COG5: variants seen among roughly 807,000 people sequenced by gnomAD.
COG5 encodes conserved oligomeric Golgi complex subunit 5.
Under a neutral mutation model 110.4 loss-of-function variants are expected in COG5, and 86 were observed. That is an observed-to-expected ratio of 0.78 (90% CI 0.65 to 0.93). COG5 has a LOEUF of 0.93. Ranked by LOEUF, COG5 falls within the 40% of genes least tolerant of loss-of-function variation. The pLI, the probability that COG5 is intolerant of heterozygous loss-of-function variation, is 0.00. For missense variants in COG5, 1,077 were observed against 987.0 expected (o/e 1.09, Z -1.22); for synonymous variants, 360 against 334.6 (o/e 1.08, Z -0.83).
intron 6 of COG5, among the ~76,000 whole-genome samples, chr7:107,431,670 C>T (rs1794035634): frequency 6.6e-6 from 1 of 152,078 alleles, no homozygotes. Context: ...GGGTCTCGTT[C>T]TGTCACCCAG....
At chr7:107,320,579 T>G (rs1021363233) in intron 11 of COG5, among the ~76,000 whole-genome samples, 13 of 152,200 alleles carry the variant, frequency 8.5e-5, no homozygotes, top group African/African-American at 3.1e-4. Context: ...TAAGTCATGA[T>G]GCATATCAAG....
intron 6 of COG5, among the ~76,000 whole-genome samples, chr7:107,525,621 C>G (rs955678643): frequency 6.6e-6 from 1 of 151,718 alleles, no homozygotes; most frequent in Admixed American, 6.6e-5. Flanking sequence ...GGTGCAATAA[C>G]AGCTCACTGC....
At chr7:107,549,458 C>A (rs1009179800) in intron 3 of COG5, among the ~76,000 whole-genome samples, 1 of 150,960 alleles carries the variant, frequency 6.6e-6, no homozygotes. Flanking sequence ...GTGGCTTGAT[C>A]CCCCCTCACT....
At chr7:107,543,275 G>A (rs1802178897) in intron 5 of COG5, among the ~76,000 whole-genome samples, 1 of 152,166 alleles carries the variant, frequency 6.6e-6, no homozygotes, top group Non-Finnish European at 1.5e-5. Flanking sequence ...AGGAAGGACA[G>A]TATTACATTA....
chr7:107,376,863 T>C (rs1322373712), intron 7 of COG5, among the ~76,000 whole-genome samples: 3 of 152,112 alleles, frequency 2.0e-5, no homozygotes, highest in African/African-American at 4.8e-5. Context: ...TAAGTATGTA[T>C]TGAGATAATA....
intron 7 of COG5, among the ~76,000 whole-genome samples, chr7:107,395,858 G>A (rs1293407242): frequency 6.6e-6 from 1 of 151,912 alleles, no homozygotes; most frequent in Non-Finnish European, 1.5e-5. Flanking sequence ...CCCAGACAAA[G>A]CAGATAATTC....
intron 6 of COG5, among the ~76,000 whole-genome samples, chr7:107,460,542 TA>T (rs960678527): frequency 1.7e-4 from 25 of 151,008 alleles, no homozygotes; most frequent in African/African-American, 6.1e-4. Context: ...GAACCACGTA[TA>T]AAAAAAAATT....
intron 6 of COG5, among the ~76,000 whole-genome samples, chr7:107,492,168 A>T (rs1410339385): frequency 5.6e-5 from 8 of 141,736 alleles, no homozygotes; most frequent in African/African-American, 1.6e-4. Flanking sequence ...AACAATGGGT[A>T]GTGTGTGTGT....
intron 5 of COG5, among the ~76,000 whole-genome samples, chr7:107,528,919 C>T (rs940168431): frequency 6.7e-6 from 1 of 149,350 alleles, no homozygotes; most frequent in Admixed American, 6.8e-5. Context: ...CATACTCAAA[C>T]ATAAAACAAA....
chr7:107,506,783 C>G (rs1472046709), intron 6 of COG5, among the ~76,000 whole-genome samples: 1 of 152,240 alleles, frequency 6.6e-6, no homozygotes. Context: ...CTGGGGCACC[C>G]AGCTCCCTAG....
chr7:107,402,831 T>C (rs949213168), intron 7 of COG5, among the ~76,000 whole-genome samples: 12 of 152,340 alleles, frequency 7.9e-5, no homozygotes, highest in African/African-American at 2.9e-4. Flanking sequence ...ACATCACCAG[T>C]CCTTCCAAAT....
chr7:107,451,483 A>G (rs1048067030), intron 6 of COG5, among the ~76,000 whole-genome samples: 1 of 152,168 alleles, frequency 6.6e-6, no homozygotes, highest in South Asian at 2.1e-4. Flanking sequence ...ATACAGAAAC[A>G]TTTTTAGAGA....
chr7:107,261,833 C>T (rs1335070087), intron 14 of COG5, among the ~76,000 whole-genome samples: 1 of 151,744 alleles, frequency 6.6e-6, no homozygotes, highest in Non-Finnish European at 1.5e-5. Context: ...TTTGATTTTA[C>T]TTATTTTTAA....
At chr7:107,558,784 A>T (rs1369570530) in intron 1 of COG5, among the ~76,000 whole-genome samples, 1 of 150,116 alleles carries the variant, frequency 6.7e-6, no homozygotes, top group African/African-American at 2.5e-5. Context: ...GCTACTCGAG[A>T]GGCTGAGGCA....
rs563633515 is a variant in COG5 at position 107,306,537 on chromosome 7, T to A, written c.1109-8191A>T. On this transcript the variant is annotated intron_variant, in intron 11 of 21. Coordinates refer to ENST00000297135, the MANE Select transcript of COG5 (RefSeq NM_006348.5). ...AAGTCTTATATACAAAATATTAGGA[T>A]GGAATGAATGAAAATATCTGTCTAT... 2.6e-5 allele frequency among the ~76,000 whole-genome samples: 4 copies of A among 152,332 alleles called. No individual in the cohort carries two copies. In the South Asian group the frequency reaches 8.3e-4, roughly 32 times the overall value.
chr7:107,520,647 A>T (rs1800258740), intron 6 of COG5, among the ~76,000 whole-genome samples: 1 of 152,224 alleles, frequency 6.6e-6, no homozygotes, highest in Admixed American at 6.5e-5. Context: ...ATAAGAGAAG[A>T]CACAAACTAA....
intron 7 of COG5, among the ~76,000 whole-genome samples, chr7:107,407,695 C>T (rs1438689256): frequency 6.7e-6 from 1 of 148,174 alleles, no homozygotes; most frequent in African/African-American, 2.5e-5. Flanking sequence ...TCAGGAAAGG[C>T]TATTTGGGGA....
intron 19 of COG5, among the ~76,000 whole-genome samples, chr7:107,229,858 GT>G (rs1294339626): frequency 9.3e-5 from 8 of 86,182 alleles, no homozygotes; most frequent in Non-Finnish European, 1.6e-4. Flanking sequence ...TTTTTTTTTT[GT>G]TTTTTTTTTT....
At chr7:107,332,656 C>A (rs1273631748) in intron 10 of COG5, among the ~76,000 whole-genome samples, 3 of 151,990 alleles carry the variant, frequency 2.0e-5, no homozygotes, top group Non-Finnish European at 4.4e-5. Flanking sequence ...CACTAAGGTG[C>A]ACTGACCAAC....
Sources: gnomAD v4.1 joint callset for allele counts (sites outside exome capture counted in the v4.1 genomes callset) on GRCh38, gnomAD v4.1.1 for gene constraint, MANE v1.5 for transcripts, NCBI Gene and HGNC (gene_info 2026-07-23, HGNC 2026-07-21) for gene names.